Variants in TAF4B observed in about 807,000 individuals in gnomAD.
TAF4B encodes the protein TATA-box binding protein associated factor 4b.
TAF4B carries 38 observed loss-of-function variants against 86.4 expected under a neutral mutation model. The observed-to-expected ratio is 0.44, with a 90% CI of 0.34 to 0.58. The LOEUF is 0.58. Ranked by LOEUF, TAF4B falls within the 20% of genes least tolerant of loss-of-function variation. The probability of loss-of-function intolerance (pLI) is 0.02; values close to 1 mark genes in which losing one functional copy is unlikely to be tolerated. For missense variants in TAF4B, 988 were observed against 1,027.6 expected, an observed-to-expected ratio of 0.96 and a Z score of 0.53; for synonymous variants, 388 against 391.2, an observed-to-expected ratio of 0.99 and a Z score of 0.10.
Position 26,231,517 on chromosome 18 carries a change from A to C in TAF4B, c.343+4241A>C, listed in dbSNP as rs534500015. 4.6e-5 allele frequency among the ~76,000 whole-genome samples: 7 copies of C among 151,320 alleles called. No individual in the cohort carries two copies. The East Asian group carries it at 1.4e-3, about 30-fold the overall frequency. On this transcript the variant is annotated intron_variant, in intron 1 of 14. Coordinates refer to ENST00000269142, the MANE Select transcript of TAF4B (RefSeq NM_005640.3). ...CAGGTGTGTGCCACCACACCAGGCT[A>C]ATTTTTTTCTTTTTAGTAAAGACAG...
At chr18:26,255,912 G>A (rs1199975921) in intron 1 of TAF4B, 4 of 1,235,956 alleles carry the variant, frequency 3.2e-6, no homozygotes, top group Non-Finnish European at 4.8e-6. Flanking sequence ...AGAACCAGAA[G>A]CCATCTCTGT....
In TAF4B at chr18:26,389,968, G is replaced by C. The variant is rs747417373; in HGVS notation, c.2545G>C (p.Glu849Gln). The change falls in exon 15 of 15, where the codon GAG becomes CAG. Residue 849 changes from glutamate (E) to glutamine (Q), a missense_variant. This residue lies in a region of TAF4B where 216 missense variants were observed against 238.4 expected (regional missense o/e 0.91). Coordinates refer to ENST00000269142, the MANE Select transcript of TAF4B (RefSeq NM_005640.3). ...DLIFCMEQER[E>Q]MKYSRALYLA... ...GATATTTTGTATGGAACAGGAACGG[G>C]AGATGAAGTATTCTCGAGCTCTATA... 6.2e-7 allele frequency: 1 copy of C among 1,614,126 alleles called. No homozygotes were observed. Among genetic ancestry groups the C allele is most frequent in the South Asian group, 1.1e-5 (1 of 91,080 alleles).
At position 26,273,436 on chromosome 18, in the gene TAF4B, T is replaced by C. The variant is rs796939923; in HGVS notation, c.598-1227T>C. ...AATATGTACACATATGTAATATGTC[T>C]GCTGTTGAAAAAAATAATAGTAAAA... is the stretch of plus-strand genomic sequence containing the variant. On this transcript the variant is annotated intron_variant, in intron 3 of 14. Coordinates refer to ENST00000269142, the MANE Select transcript of TAF4B (RefSeq NM_005640.3). 5.3e-5 allele frequency among the ~76,000 whole-genome samples: 8 copies of C among 152,184 alleles called. 1 individual carries two copies. The highest frequency in any genetic ancestry group is 1.9e-4 in the African/African-American group (8 of 41,536).
At position 26,295,211 on chromosome 18, in the gene TAF4B, G is replaced by A. The variant is rs750157216; in HGVS notation, c.1832+1680G>A. The A allele has an allele frequency of 9.1e-5, 37 of 406,612 alleles. 1 individual carries two copies. The highest frequency in any genetic ancestry group is 6.6e-4 in the South Asian group (36 of 54,586). 25.2% of individuals were successfully genotyped at this position (406,612 alleles called of 1,614,324 possible). A position where few individuals can be genotyped will look rare whatever the true frequency, so the allele number is the denominator to read the frequency against. On this transcript the variant is annotated intron_variant, in intron 9 of 14. Transcript: ENST00000269142. ...TATTTGTAGGTCTACTTTTATATGC[G>A]TATATTAAAATGTTCACCATCGGTC...
rs201686662 is a variant in TAF4B at position 26,388,795 on chromosome 18, C to CTTTATT, written c.2422-1031_2422-1026dup. On this transcript the variant is annotated intron_variant, in intron 14 of 14. Coordinates refer to ENST00000269142, the MANE Select transcript of TAF4B (RefSeq NM_005640.3). ...ATAGCACAGTGGTTAAGAGTGCTTA[C>CTTTATT]TTTATTTTTATTTTTATTTTTATTA... Among the ~76,000 whole-genome samples the CTTTATT allele has an allele frequency of 3.4e-3, 516 of 152,130 alleles. 5 individuals carry two copies. Among genetic ancestry groups the CTTTATT allele is most frequent in the African/African-American group, 0.011 (473 of 41,508 alleles).
chr18:26,331,952 T>C (rs1002676412), intron 12 of TAF4B, among the ~76,000 whole-genome samples: 1 of 152,208 alleles, frequency 6.6e-6, no homozygotes, highest in African/African-American at 2.4e-5. Flanking sequence ...AAAGGCCTTA[T>C]ATTGTTTGGC....
chr18:26,265,413 A>G (rs2056225706), intron 2 of TAF4B, 98 bp downstream of exon 2: 1 of 1,357,030 alleles, frequency 7.4e-7, no homozygotes. Context: ...ATAATGTAAG[A>G]CATGATTCTA....
Position 26,292,308 on chromosome 18 carries a change from A to G in TAF4B, c.1653A>G (p.Thr551=), listed in dbSNP as rs374705454. ...KQVTTISHSS[T]LTIQKCGQKT... Reference sequence around the variant, plus strand: ...TGACCACAATTTCACATTCCTCAACATTGACCATTCAGAAATGTGGACAGA... The same window carrying G: ...TGACCACAATTTCACATTCCTCAACGTTGACCATTCAGAAATGTGGACAGA... The change falls in exon 8 of 15, where the codon ACA becomes ACG. Residue 551 remains threonine, a synonymous_variant. Coordinates refer to ENST00000269142, the MANE Select transcript of TAF4B (RefSeq NM_005640.3). 1 of 1,614,156 alleles carries G rather than the reference A, an allele frequency of 6.2e-7. No individual in the cohort carries two copies. Among genetic ancestry groups the G allele is most frequent in the Non-Finnish European group, 8.5e-7 (1 of 1,180,006 alleles).
At chr18:26,346,759 G>GTGTGTATATATATATATATATATA (rs1202008455) in intron 13 of TAF4B, among the ~76,000 whole-genome samples, 4 of 27,142 alleles carry the variant, frequency 1.5e-4, no homozygotes, top group East Asian at 3.9e-3. Flanking sequence ...ATATATGTGT[G>GTGTGTATATATATATATATATATA]TATATATATA....
chr18:26,277,518 T>C (rs937831150), intron 5 of TAF4B, among the ~76,000 whole-genome samples: 27 of 152,220 alleles, frequency 1.8e-4, no homozygotes, highest in Non-Finnish European at 3.4e-4. Flanking sequence ...CAAATCTCTT[T>C]AGTGGCTGAC....
intron 13 of TAF4B, chr18:26,349,044 A>G (rs1304282777): frequency 6.6e-6 from 1 of 152,244 alleles, no homozygotes; most frequent in Admixed American, 6.5e-5. Context: ...AACAATGTGC[A>G]TGCTAAGACC....
chr18:26,378,563 A>C (rs1427100786), intron 14 of TAF4B, among the ~76,000 whole-genome samples: 1 of 152,184 alleles, frequency 6.6e-6, no homozygotes, highest in Non-Finnish European at 1.5e-5. Context: ...TTTAAGTTAA[A>C]AATTGAAATT....
intron 1 of TAF4B, among the ~76,000 whole-genome samples, chr18:26,230,703 A>G (rs759998252): frequency 6.6e-6 from 1 of 151,958 alleles, no homozygotes; most frequent in Non-Finnish European, 1.5e-5. Flanking sequence ...GTACTCCCAC[A>G]CTTTGTTTTC....
At chr18:26,342,792 A>G (rs2057146516) in intron 13 of TAF4B, among the ~76,000 whole-genome samples, 2 of 152,256 alleles carry the variant, frequency 1.3e-5, no homozygotes, top group Non-Finnish European at 2.9e-5. Context: ...TTCATTAGCC[A>G]TAAAGGAAAT....
intron 10 of TAF4B, among the ~76,000 whole-genome samples, chr18:26,316,953 T>C (rs1230902006): frequency 6.6e-6 from 1 of 152,184 alleles, no homozygotes; most frequent in Non-Finnish European, 1.5e-5. Context: ...TAACTCCTTA[T>C]TGCCATATAA....
intron 3 of TAF4B, among the ~76,000 whole-genome samples, chr18:26,270,508 T>A (rs1598743701): frequency 6.6e-6 from 1 of 152,160 alleles, no homozygotes; most frequent in Admixed American, 6.6e-5. Flanking sequence ...AGAGATGAGG[T>A]CTTACTCTGT....
chr18:26,346,759 G>GTGTATATATA (rs1202008455), intron 13 of TAF4B, among the ~76,000 whole-genome samples: 280 of 27,068 alleles, frequency 0.01, 19 homozygotes, highest in African/African-American at 0.023. Context: ...ATATATGTGT[G>GTGTATATATA]TATATATATA....
chr18:26,345,691 C>A (rs2057171171), intron 13 of TAF4B, among the ~76,000 whole-genome samples: 1 of 151,652 alleles, frequency 6.6e-6, no homozygotes. Context: ...CTCTGTGAAA[C>A]CTCCTCCATA....
In TAF4B at chr18:26,389,934, C is replaced by G; in HGVS notation, c.2511C>G (p.Leu837=). ...GTCCAAGAATCACGAGAATCTGCCT[C>G]AGGGACTTGATATTTTGTATGGAAC... ...LHRPRITRIC[L]RDLIFCMEQE... The change falls in exon 15 of 15, where the codon CTC becomes CTG. Residue 837 remains leucine, a synonymous_variant. Transcript: ENST00000269142. The G allele has an allele frequency of 9.3e-6, 15 of 1,614,136 alleles. No individual in the cohort carries two copies. The highest frequency in any genetic ancestry group is 1.3e-5 in the Non-Finnish European group (15 of 1,180,006).
Sources: gnomAD v4.1 joint callset for allele counts (sites outside exome capture counted in the v4.1 genomes callset) on GRCh38, gnomAD v4.1.1 for gene constraint, gnomAD v4.1.1 regional missense constraint, MANE v1.5 for transcripts, NCBI Gene and HGNC (gene_info 2026-07-23, HGNC 2026-07-21) for gene names.